Variants in CAMTA1 observed in about 807,000 individuals in gnomAD.
The protein encoded by CAMTA1 is calmodulin-binding transcription activator 1.
In CAMTA1, 27 loss-of-function variants were observed where a neutral mutation model predicts 170.9. The observed-to-expected ratio is 0.16, with a 90% CI of 0.12 to 0.22. The LOEUF is 0.22. Among genes scored for constraint, CAMTA1 ranks in the 10% least tolerant of loss-of-function variants. The pLI is 1.00. For synonymous variants in CAMTA1, 833 were observed against 891.5 expected (o/e 0.93, Z 1.17); for missense variants, 1,619 against 2,217.2 (o/e 0.73, Z 5.42).
intron 11 of CAMTA1, among the ~76,000 whole-genome samples, chr1:7,683,819 T>G (rs2096234751): frequency 6.6e-6 from 1 of 152,198 alleles, no homozygotes; most frequent in Non-Finnish European, 1.5e-5. Context: ...TGGGTGTCTG[T>G]CAGCTTGGGT....
chr1:7,680,861 C>CCAG lies in CAMTA1; in HGVS notation c.2914+3148_2914+3150dup, dbSNP rs70987362. Among the ~76,000 whole-genome samples the CCAG allele has an allele frequency of 0.64, 87,734 of 136,348 alleles. 27,175 individuals carry two copies. Among genetic ancestry groups the CCAG allele is most frequent in the East Asian group, 0.89 (4,142 of 4,670 alleles). The allele number at this position is 136,348 out of a possible 152,430, so 89.4% of individuals were successfully genotyped here. On this transcript the variant is annotated intron_variant, in intron 11 of 22. Transcript: ENST00000303635. This position sits in a 1 kb window ranked among gnomAD's most constrained non-coding sequence, Gnocchi z 4.4. ...GAGAACACGCGCGCGCGCGCGCGCG[C>CCAG]CAGCAGCAGCAGCAGCAGCAGCTGC...
intron 4 of CAMTA1, among the ~76,000 whole-genome samples, chr1:7,131,008 C>T (rs1645218103): frequency 6.6e-6 from 1 of 151,402 alleles, no homozygotes; most frequent in Admixed American, 6.6e-5. Flanking sequence ...GGCTGGAGTG[C>T]AGTGGCACGA....
Position 6,935,760 on chromosome 1 carries a change from C to G in CAMTA1, c.234+110550C>G, listed in dbSNP as rs148340716. On this transcript the variant is annotated intron_variant, in intron 3 of 22. Coordinates refer to ENST00000303635, the MANE Select transcript of CAMTA1 (RefSeq NM_015215.4). Reference sequence around the variant, plus strand: ...CCTTCCTGGACTGAAAAGTGCTGGCCGACAGTGGATGCTCATGTTTCTGCT... The same window carrying G: ...CCTTCCTGGACTGAAAAGTGCTGGCGGACAGTGGATGCTCATGTTTCTGCT... 4.6e-3 allele frequency among the ~76,000 whole-genome samples: 695 copies of G among 152,288 alleles called. 8 individuals carry two copies. Among genetic ancestry groups the G allele is most frequent in the African/African-American group, 0.016 (678 of 41,556 alleles).
At chr1:6,837,695 A>G (rs1653839324) in intron 3 of CAMTA1, among the ~76,000 whole-genome samples, 2 of 152,118 alleles carry the variant, frequency 1.3e-5, no homozygotes, top group African/African-American at 4.8e-5. Flanking sequence ...TTAAAATTTT[A>G]TTTTATTTTT....
chr1:7,551,405 C>G (rs2094801173), intron 6 of CAMTA1, among the ~76,000 whole-genome samples: 2 of 152,208 alleles, frequency 1.3e-5, no homozygotes, highest in African/African-American at 4.8e-5. Flanking sequence ...GAAGAAAACG[C>G]AGGGCACAGA....
At chr1:7,643,240 C>G (rs550478854) in intron 7 of CAMTA1, among the ~76,000 whole-genome samples, 1 of 152,206 alleles carries the variant, frequency 6.6e-6, no homozygotes, top group Non-Finnish European at 1.5e-5. Flanking sequence ...GAAGGAATTC[C>G]TCTTGTCAGA....
At chr1:7,613,175 G>A (rs1311009270) in intron 6 of CAMTA1, among the ~76,000 whole-genome samples, 1 of 152,202 alleles carries the variant, frequency 6.6e-6, no homozygotes, top group East Asian at 1.9e-4. Context: ...GGGAACCCCG[G>A]GATGGGATGT....
At chr1:7,372,991 C>T (rs1359493186) in intron 5 of CAMTA1, among the ~76,000 whole-genome samples, 1 of 152,240 alleles carries the variant, frequency 6.6e-6, no homozygotes, top group Non-Finnish European at 1.5e-5. Context: ...TGTCACCAAC[C>T]TGGTGTCACC....
At chr1:7,692,398 C>T (rs1050120437) in intron 11 of CAMTA1, among the ~76,000 whole-genome samples, 4 of 152,066 alleles carry the variant, frequency 2.6e-5, no homozygotes, top group Non-Finnish European at 4.4e-5. Flanking sequence ...TTTCTCAGGC[C>T]GGTCCTTGGC....
At position 7,633,227 on chromosome 1, in the gene CAMTA1, G is replaced by A. The variant is rs950581733; in HGVS notation, c.511-7173G>A. ...GATTGACTCTACCTCAGGCTCCCGG[G>A]AGATGCCCTTCCACCACCTTCAGCC... On this transcript the variant is annotated intron_variant, in intron 6 of 22. Coordinates refer to ENST00000303635, the MANE Select transcript of CAMTA1 (RefSeq NM_015215.4). The surrounding 1 kb of genome is among the most constrained non-coding windows in gnomAD (Gnocchi z 4.1). Among the ~76,000 whole-genome samples, 1 of 152,238 alleles carries A rather than the reference G, an allele frequency of 6.6e-6. No individual in the cohort carries two copies. The highest frequency in any genetic ancestry group is 2.4e-5 in the African/African-American group (1 of 41,462).
chr1:7,445,567 G>A (rs982210686), intron 5 of CAMTA1, among the ~76,000 whole-genome samples: 9 of 152,136 alleles, frequency 5.9e-5, no homozygotes, highest in Admixed American at 1.3e-4. Context: ...AGGGGGAGGC[G>A]GAGCTGGCCT....
intron 3 of CAMTA1, among the ~76,000 whole-genome samples, chr1:6,914,592 G>T (rs998864550): frequency 1.3e-5 from 2 of 152,250 alleles, no homozygotes; most frequent in Non-Finnish European, 2.9e-5. Flanking sequence ...CCGACTAGTG[G>T]TTAGGCTGTG....
At chr1:7,461,784 G>C (rs965999894) in intron 5 of CAMTA1, among the ~76,000 whole-genome samples, 7 of 152,192 alleles carry the variant, frequency 4.6e-5, no homozygotes, top group African/African-American at 1.7e-4. Flanking sequence ...AAGTTCTAGG[G>C]TCATTTTGTT....
intron 9 of CAMTA1, among the ~76,000 whole-genome samples, chr1:7,666,131 T>C (rs1403300915): frequency 6.6e-6 from 1 of 150,440 alleles, no homozygotes; most frequent in Non-Finnish European, 1.5e-5. Context: ...ATCACGCCAC[T>C]GCACTCCAGC....
chr1:7,473,713 A>G (rs1013587051), intron 6 of CAMTA1, among the ~76,000 whole-genome samples: 5 of 152,316 alleles, frequency 3.3e-5, no homozygotes, highest in East Asian at 1.9e-4. Context: ...AGGCACCCCC[A>G]GCCAACAGAG....
At chr1:7,649,804 G>A (rs2095836758) in intron 7 of CAMTA1, among the ~76,000 whole-genome samples, 1 of 152,166 alleles carries the variant, frequency 6.6e-6, no homozygotes, top group African/African-American at 2.4e-5. Context: ...GCTGGTGTTG[G>A]GGATACAGGA....
chr1:7,283,256 A>C (rs1455435682), intron 5 of CAMTA1, among the ~76,000 whole-genome samples: 1 of 152,004 alleles, frequency 6.6e-6, no homozygotes, highest in Admixed American at 6.6e-5. Context: ...TTTTCCACAT[A>C]ATATTATGTT....
intron 2 of CAMTA1, among the ~76,000 whole-genome samples, chr1:6,823,342 A>G (rs1646736694): frequency 6.6e-6 from 1 of 152,186 alleles, no homozygotes. Context: ...AGAACTTTCT[A>G]TGAACTTTCT....
intron 4 of CAMTA1, among the ~76,000 whole-genome samples, chr1:7,211,640 G>T (rs1658776972): frequency 1.3e-5 from 2 of 152,056 alleles, no homozygotes; most frequent in Admixed American, 1.3e-4. Flanking sequence ...ATGTCCCAAG[G>T]TCGCCTTCCA....
Sources: allele counts gnomAD v4.1 joint callset (sites outside exome capture counted in the v4.1 genomes callset), GRCh38; gene constraint gnomAD v4.1.1; non-coding constraint Gnocchi (gnomAD v3.1); transcripts MANE v1.5; gene names NCBI Gene and HGNC (gene_info 2026-07-23, HGNC 2026-07-21).